Variants in AKT3 observed in about 807,000 individuals in gnomAD.
The protein encoded by AKT3 is AKT serine/threonine kinase 3.
In AKT3, 15 loss-of-function variants were observed where a neutral mutation model predicts 65.3. The ratio of observed to expected loss-of-function variants is 0.23; its 90% confidence interval spans 0.15 to 0.35. AKT3 has a LOEUF of 0.35. Ranked by LOEUF, AKT3 falls within the 10% of genes least tolerant of loss-of-function variation. The probability of loss-of-function intolerance (pLI) is 1.00; values close to 1 mark genes in which losing one functional copy is unlikely to be tolerated. For missense variants in AKT3, 243 were observed against 576.5 expected (o/e 0.42, Z 5.92); for synonymous variants, 206 against 183.8 (o/e 1.12, Z -0.98).
At position 243,489,163 on chromosome 1, in the gene AKT3, G is replaced by C. The variant is rs752615881; in HGVS notation, c.*7-713C>G. Reference sequence around the variant, plus strand: ...CAGGTACTGTGCAGAACGCGGCGCAGGTGGGAGTCCTTGGGCGGGCGTCTA... The same window carrying C: ...CAGGTACTGTGCAGAACGCGGCGCACGTGGGAGTCCTTGGGCGGGCGTCTA... On this transcript the variant is annotated intron_variant, in intron 13 of 13. Transcript: ENST00000336199. The C allele has an allele frequency of 2.5e-6, 4 of 1,610,052 alleles. No individual in the cohort carries two copies. The East Asian group carries it at 6.7e-5, about 27-fold the overall frequency.
intron 2 of AKT3, among the ~76,000 whole-genome samples, chr1:243,768,534 A>C (rs1486503426): frequency 6.6e-6 from 1 of 152,128 alleles, no homozygotes; most frequent in East Asian, 1.9e-4. Flanking sequence ...AGGTGCCACA[A>C]CTTTTAAAAA....
At chr1:243,550,617 G>A (rs953853319) in intron 11 of AKT3, among the ~76,000 whole-genome samples, 5 of 151,638 alleles carry the variant, frequency 3.3e-5, no homozygotes, top group South Asian at 2.1e-4. Context: ...TCACTGCCTC[G>A]AATACCAAGC....
chr1:243,732,703 T>G (rs930863305), intron 2 of AKT3, among the ~76,000 whole-genome samples: 1 of 152,228 alleles, frequency 6.6e-6, no homozygotes, highest in African/African-American at 2.4e-5. Context: ...ATTGTTATGG[T>G]TCTACAAAGA....
chr1:243,559,232 T>C (rs973957142), intron 10 of AKT3, among the ~76,000 whole-genome samples: 2 of 152,128 alleles, frequency 1.3e-5, no homozygotes, highest in Admixed American at 6.6e-5. Flanking sequence ...TTTAAAACTA[T>C]ACATACAAAT....
At chr1:243,816,207 G>A (rs1693510503) in intron 2 of AKT3, among the ~76,000 whole-genome samples, 2 of 152,166 alleles carry the variant, frequency 1.3e-5, no homozygotes, top group Non-Finnish European at 2.9e-5. Flanking sequence ...ACCTTTAGAT[G>A]AGTCAAGATG....
chr1:243,495,800 G>A (rs1416248009), downstream of AKT3, among the ~76,000 whole-genome samples: 1 of 152,198 alleles, frequency 6.6e-6, no homozygotes, highest in East Asian at 1.9e-4. Flanking sequence ...GAGCTCACGT[G>A]GCTTATTTCA....
intron 3 of AKT3, among the ~76,000 whole-genome samples, chr1:243,678,881 A>G (rs1221534150): frequency 6.6e-6 from 1 of 152,160 alleles, no homozygotes; most frequent in Non-Finnish European, 1.5e-5. Flanking sequence ...TGAACGGCAC[A>G]ATTCCACTTA....
intron 6 of AKT3, among the ~76,000 whole-genome samples, chr1:243,633,180 G>A (rs1370351571): frequency 2.0e-5 from 3 of 152,160 alleles, no homozygotes; most frequent in African/African-American, 7.2e-5. Context: ...GAGGTATCAA[G>A]ACATTTCTAG....
chr1:243,501,736 C>G lies in AKT3; in HGVS notation c.*3513G>C. The G allele has an allele frequency of 4.3e-6, 1 of 232,838 alleles. No homozygotes were observed. The highest frequency in any genetic ancestry group is 8.5e-6 in the Non-Finnish European group (1 of 117,878). 14.4% of individuals were successfully genotyped at this position (232,838 alleles called of 1,614,324 possible). On this transcript the variant is annotated 3_prime_UTR_variant, in exon 14 of 14. Coordinates refer to ENST00000673466, the MANE Select transcript of AKT3 (RefSeq NM_005465.7). ...ATTTAATTTGGGGGGATTATAGAAC[C>G]ACATCCAACAACAATAAACAGAGAA...
At chr1:243,750,416 C>T (rs1688733697) in intron 2 of AKT3, among the ~76,000 whole-genome samples, 1 of 149,676 alleles carries the variant, frequency 6.7e-6, no homozygotes, top group Non-Finnish European at 1.5e-5. Context: ...TATACACACA[C>T]ACACACACAC....
At chr1:243,841,514 T>C (rs1695239250) in intron 2 of AKT3, among the ~76,000 whole-genome samples, 1 of 152,144 alleles carries the variant, frequency 6.6e-6, no homozygotes, top group Admixed American at 6.5e-5. Flanking sequence ...AATCTGAAAA[T>C]GCTTTCGTAA....
At chr1:243,530,870 G>T (rs1671475564) in intron 12 of AKT3, among the ~76,000 whole-genome samples, 1 of 152,008 alleles carries the variant, frequency 6.6e-6, no homozygotes, top group African/African-American at 2.4e-5. Flanking sequence ...CCTAAGCTTG[G>T]TGTTCTATTT....
intron 13 of AKT3, chr1:243,489,287 C>T: frequency 9.0e-7 from 1 of 1,107,162 alleles, no homozygotes; most frequent in Non-Finnish European, 1.3e-6. Context: ...GTGCTGGGCA[C>T]AGTGCAGGAC....
chr1:243,614,921 T>C (rs1273345965), intron 7 of AKT3, among the ~76,000 whole-genome samples, 175 bp downstream of exon 7: 1 of 152,164 alleles, frequency 6.6e-6, no homozygotes, highest in Non-Finnish European at 1.5e-5. Flanking sequence ...TATCAATGCA[T>C]ACACACTGTA....
At chr1:243,842,353 G>A (rs943030067) in intron 2 of AKT3, among the ~76,000 whole-genome samples, 8 of 152,102 alleles carry the variant, frequency 5.3e-5, no homozygotes, top group African/African-American at 1.4e-4. Flanking sequence ...CCTACTCGAC[G>A]TGGCCATGTG....
chr1:243,782,838 A>C (rs1690999367), intron 2 of AKT3, among the ~76,000 whole-genome samples: 1 of 152,208 alleles, frequency 6.6e-6, no homozygotes, highest in African/African-American at 2.4e-5. Flanking sequence ...GTAAATGTGA[A>C]AGAACTTTAG....
At chr1:243,547,631 C>T (rs746045113) in intron 11 of AKT3, among the ~76,000 whole-genome samples, 7 of 152,106 alleles carry the variant, frequency 4.6e-5, no homozygotes, top group African/African-American at 9.7e-5. Context: ...GCATCAGTTT[C>T]GCACCATCAT....
chr1:243,695,783 A>G, intron 2 of AKT3, 67 bp from the exon 3 acceptor site: 4 of 1,441,852 alleles, frequency 2.8e-6, no homozygotes, highest in Non-Finnish European at 3.7e-6. Flanking sequence ...CAAAAAATAA[A>G]TTATGGTACA....
rs1213230128 is a variant in AKT3 at position 243,850,139 on chromosome 1, G to C, written c.-212C>G. On this transcript the variant is annotated 5_prime_UTR_variant, in exon 1 of 14. Coordinates refer to ENST00000673466, the MANE Select transcript of AKT3 (RefSeq NM_005465.7). ...GGGGGGAGGAGAGGGGGCGACTCGGGGGTCCCCCCTCCCTCCTCCTCCCCT... is the reference window on the plus strand; with the variant it reads ...GGGGGGAGGAGAGGGGGCGACTCGGCGGTCCCCCCTCCCTCCTCCTCCCCT... The C allele has an allele frequency of 1.2e-5, 2 of 164,956 alleles. No homozygotes were observed. Among genetic ancestry groups the C allele is most frequent in the Non-Finnish European group, 2.5e-5 (2 of 80,736 alleles). 10.2% of individuals were successfully genotyped at this position (164,956 alleles called of 1,614,324 possible). A position where few individuals can be genotyped will look rare whatever the true frequency, so the allele number is the denominator to read the frequency against.
Sources: gnomAD v4.1 joint callset for allele counts (sites outside exome capture counted in the v4.1 genomes callset) on GRCh38, gnomAD v4.1.1 for gene constraint, MANE v1.5 for transcripts, NCBI Gene and HGNC (gene_info 2026-07-23, HGNC 2026-07-21) for gene names.